The following CNTNAP2 variants were observed in gnomAD, a reference collection of about 807,000 sequenced individuals.
The protein encoded by CNTNAP2 is contactin-associated protein-like 2.
CNTNAP2 carries 98 observed loss-of-function variants against 155.2 expected under a neutral mutation model. The observed-to-expected ratio is 0.63, with a 90% CI of 0.54 to 0.75. CNTNAP2 has a LOEUF of 0.75. Ranked by LOEUF, CNTNAP2 falls within the 30% of genes least tolerant of loss-of-function variation. The pLI, the probability that CNTNAP2 is intolerant of heterozygous loss-of-function variation, is 0.00. For synonymous variants in CNTNAP2, 651 were observed against 631.2 expected (o/e 1.03, Z -0.47); for missense variants, 1,727 against 1,688.1 (o/e 1.02, Z -0.40).
chr7:147,236,544 TGTC>T (rs531271007), intron 8 of CNTNAP2, among the ~76,000 whole-genome samples: 141 of 152,142 alleles, frequency 9.3e-4, no homozygotes, highest in African/African-American at 3.2e-3. Context: ...CACTCTCACT[TGTC>T]GTATTCCTTC....
rs1805806487 is a variant in CNTNAP2, at chr7:148,172,245, G to T, written c.2777G>T (p.Gly926Val). ...CTGTGCCTTCTGTCATTCCCAGGTG[G>T]TGCTGGGGGCCAGCAGGGCTTCCTG... is the stretch of plus-strand genomic sequence containing the variant. The part of the protein sequence containing the change: ...LELYSQLFVG[G>V]AGGQQGFLGC... Residue 926 changes from glycine (G) to valine (V), a missense_variant, in exon 18 of 24, where the codon GGT (glycine) becomes GTT (valine). Physicochemically the swap from Gly to Val is moderately radical, Grantham distance 109. Coordinates refer to ENST00000361727, the MANE Select transcript of CNTNAP2 (RefSeq NM_014141.6). 1 of 1,613,484 alleles carries T rather than the reference G, an allele frequency of 6.2e-7. No homozygotes were observed. Among genetic ancestry groups the T allele is most frequent in the Non-Finnish European group, 8.5e-7 (1 of 1,179,890 alleles).
intron 17 of CNTNAP2, among the ~76,000 whole-genome samples, chr7:148,152,945 C>G (rs1057459993): frequency 1.5e-5 from 2 of 129,358 alleles, no homozygotes; most frequent in East Asian, 5.2e-4. Flanking sequence ...GGCATGAACC[C>G]GGGAGGCGGA....
intron 1 of CNTNAP2, among the ~76,000 whole-genome samples, chr7:146,136,784 CCT>C (rs1482555728): frequency 2.6e-5 from 4 of 152,110 alleles, no homozygotes; most frequent in Non-Finnish European, 5.9e-5. Flanking sequence ...CTAAGCCGGC[CCT>C]CTCATTCAAT....
chr7:147,877,387 A>G (rs16883720), intron 13 of CNTNAP2, among the ~76,000 whole-genome samples: 3,281 of 152,292 alleles, frequency 0.022, 148 homozygotes, highest in East Asian at 0.19. Context: ...TATGAACACC[A>G]TATGGGGACT....
intron 9 of CNTNAP2, among the ~76,000 whole-genome samples, chr7:147,346,171 A>G (rs1403114234): frequency 7.0e-6 from 1 of 143,564 alleles, no homozygotes; most frequent in African/African-American, 2.6e-5. Flanking sequence ...TTTTTGAGAC[A>G]GAGTCTCGCT....
chr7:146,278,745 C>T (rs943175101), intron 1 of CNTNAP2, among the ~76,000 whole-genome samples: 6 of 152,048 alleles, frequency 3.9e-5, no homozygotes, highest in African/African-American at 1.4e-4. Flanking sequence ...ATGCAGGAAT[C>T]TAATAAACCC....
chr7:147,087,137 G>A (rs947521491), intron 4 of CNTNAP2, among the ~76,000 whole-genome samples: 6 of 152,092 alleles, frequency 3.9e-5, no homozygotes, highest in African/African-American at 7.2e-5. Context: ...TTTATTAACC[G>A]TTCTCTGGGG....
chr7:147,282,173 A>G (rs1236974096), intron 8 of CNTNAP2, among the ~76,000 whole-genome samples: 1 of 151,952 alleles, frequency 6.6e-6, no homozygotes, highest in Non-Finnish European at 1.5e-5. Context: ...AGTGGGCATG[A>G]AACCTTAGTA....
At chr7:147,480,427 A>C (rs1798400810) in intron 10 of CNTNAP2, among the ~76,000 whole-genome samples, 1 of 152,198 alleles carries the variant, frequency 6.6e-6, no homozygotes, top group Non-Finnish European at 1.5e-5. Context: ...TATGTGGTCT[A>C]AGCATGGGGA....
chr7:146,932,702 C>T (rs1001312688), intron 3 of CNTNAP2, among the ~76,000 whole-genome samples: 3 of 152,088 alleles, frequency 2.0e-5, no homozygotes, highest in African/African-American at 4.8e-5. Flanking sequence ...TGTCTCAGCC[C>T]AAAATCTCCT....
chr7:147,058,016 G>T (rs948593350), intron 4 of CNTNAP2, among the ~76,000 whole-genome samples: 2 of 151,954 alleles, frequency 1.3e-5, no homozygotes, highest in Non-Finnish European at 2.9e-5. Context: ...TTCTCATATC[G>T]TTTGTCTGTG....
At chr7:146,580,550 A>G (rs965719275) in intron 1 of CNTNAP2, among the ~76,000 whole-genome samples, 1 of 151,714 alleles carries the variant, frequency 6.6e-6, no homozygotes, top group Admixed American at 6.6e-5. Context: ...TTAGAAACAA[A>G]CCACATTTTT....
intron 3 of CNTNAP2, among the ~76,000 whole-genome samples, chr7:146,911,573 G>C (rs372829149): frequency 6.8e-6 from 1 of 147,786 alleles, no homozygotes; most frequent in South Asian, 2.1e-4. Flanking sequence ...ACCAAACACC[G>C]TATATTCTCA....
chr7:147,207,139 T>C (rs1584793081), intron 8 of CNTNAP2, among the ~76,000 whole-genome samples: 1 of 151,936 alleles, frequency 6.6e-6, no homozygotes, highest in African/African-American at 2.4e-5. Flanking sequence ...TGTGAAAAAC[T>C]GTTGTCAGGA....
At chr7:147,562,636 G>A (rs2074712) in intron 12 of CNTNAP2, among the ~76,000 whole-genome samples, 24,487 of 152,156 alleles carry the variant, frequency 0.16, 2,166 homozygotes, top group East Asian at 0.36. Context: ...CTTTTAGATC[G>A]TGACAGACCT....
intron 22 of CNTNAP2, among the ~76,000 whole-genome samples, chr7:148,401,588 G>A (rs1014568457): frequency 2.0e-5 from 3 of 150,522 alleles, no homozygotes; most frequent in Admixed American, 6.6e-5. Context: ...TTAATAATGA[G>A]CTATTTTTTT....
At chr7:146,405,345 A>G (rs802192) in intron 1 of CNTNAP2, among the ~76,000 whole-genome samples, 149,555 of 152,330 alleles carry the variant, frequency 0.98, 73,439 homozygotes, top group East Asian at 1. Context: ...TAAGTTCCAT[A>G]AGGGCTAGAA....
intron 21 of CNTNAP2, among the ~76,000 whole-genome samples, chr7:148,379,571 G>A (rs996852053): frequency 6.6e-6 from 1 of 152,100 alleles, no homozygotes; most frequent in African/African-American, 2.4e-5. Flanking sequence ...AATTAGTCGG[G>A]CATGGTAGCA....
intron 13 of CNTNAP2, among the ~76,000 whole-genome samples, chr7:147,748,163 A>G (rs1158214194): frequency 6.6e-6 from 1 of 152,228 alleles, no homozygotes; most frequent in Non-Finnish European, 1.5e-5. Flanking sequence ...GACCTTGACA[A>G]CAAGCTAAGA....
Sources: gnomAD v4.1 joint callset for allele counts (sites outside exome capture counted in the v4.1 genomes callset) on GRCh38, gnomAD v4.1.1 for gene constraint, MANE v1.5 for transcripts, NCBI Gene and HGNC (gene_info 2026-07-23, HGNC 2026-07-21) for gene names.